Variants in KRT77 observed in about 807,000 individuals in gnomAD.
The protein encoded by KRT77 is keratin 77.
Under a neutral mutation model 51.5 loss-of-function variants are expected in KRT77, and 44 were observed. The observed-to-expected ratio is 0.85, with a 90% CI of 0.67 to 1.10. KRT77 has a LOEUF of 1.10. Among genes scored for constraint, KRT77 ranks in the 50% least tolerant of loss-of-function variants. KRT77 has a pLI of 0.00. For synonymous variants in KRT77, 293 were observed against 302.0 expected (o/e 0.97, Z 0.31); for missense variants, 763 against 743.9 (o/e 1.03, Z -0.30).
intron 1 of KRT77, 65 bp from the exon 2 acceptor site, chr12:52,697,961 G>GCATCCATAC: frequency 6.6e-7 from 1 of 1,505,310 alleles, no homozygotes; most frequent in South Asian, 1.1e-5. Context: ...ATAAGTAGGA[G>GCATCCATAC]CATCCATACC....
At position 52,697,709 on chromosome 12, in the gene KRT77, T is replaced by G. The variant is rs1167275959; in HGVS notation, c.731A>C (p.Gln244Pro). The change falls in exon 2 of 9, where the codon CAG (glutamine) becomes CCG (proline). Residue 244 changes from glutamine (Q) to proline (P), a missense_variant. By Grantham distance (76) the Gln-to-Pro change is moderately conservative (BLOSUM62 -1). Transcript: ENST00000341809. ...MRQNAEVRSM[Q>P]DVVEDYKSKY... ...GCTCTTGTAGTCCTCCACGACATCC[T>G]GCATGCTCCTGACCTCCGCGTTCTG... is the stretch of plus-strand genomic sequence containing the variant. The G allele has an allele frequency of 6.2e-7, 1 of 1,613,666 alleles. No individual in the cohort carries two copies. The highest frequency in any genetic ancestry group is 1.7e-5 in the Admixed American group (1 of 60,004).
rs751254422 is a variant in KRT77 at position 52,702,924 on chromosome 12, G to T, written c.511C>A (p.Leu171Ile). 4 of 1,613,920 alleles carry T rather than the reference G, an allele frequency of 2.5e-6. No individual in the cohort carries two copies. Among genetic ancestry groups the T allele is most frequent in the Admixed American group, 1.7e-5 (1 of 59,990 alleles). ...KTQEREQIMVLNNKFASFIDK... is the reference protein window; with the variant it reads ...KTQEREQIMVINNKFASFIDK... ...ATGAAGGAGGCAAACTTGTTGTTGA[G>T]AACCATAATCTGCTCCCGCTCCTGG... The change falls in exon 1 of 9, where the codon CTC becomes ATC. Residue 171 changes from leucine (L) to isoleucine (I), a missense_variant. Leu to Ile is a conservative substitution (Grantham distance 5, BLOSUM62 2). Coordinates refer to ENST00000341809, the MANE Select transcript of KRT77 (RefSeq NM_175078.3).
chr12:52,694,009 C>T (rs1216301330), intron 5 of KRT77, among the ~76,000 whole-genome samples: 2 of 149,866 alleles, frequency 1.3e-5, no homozygotes, highest in African/African-American at 4.9e-5. Flanking sequence ...TGCACTCCAG[C>T]CTGGGAGATA....
At chr12:52,702,775 T>G (rs567508278) in intron 1 of KRT77, 117 bp downstream of exon 1, 34 of 1,041,606 alleles carry the variant, frequency 3.3e-5, no homozygotes, top group Non-Finnish European at 4.7e-5. Context: ...GGTAAATGAT[T>G]TTCTAAGGTC....
At chr12:52,699,101 T>C (rs1324213869) in intron 1 of KRT77, among the ~76,000 whole-genome samples, 1 of 152,182 alleles carries the variant, frequency 6.6e-6, no homozygotes, top group Non-Finnish European at 1.5e-5. Flanking sequence ...AGCAAGAGAT[T>C]AGGCAAGCAG....
At chr12:52,693,017 CAG>C in intron 5 of KRT77, 137 bp from the exon 6 acceptor site, 1 of 962,636 alleles carries the variant, frequency 1.0e-6, no homozygotes, top group Non-Finnish European at 1.5e-6. Flanking sequence ...TGCATACTCA[CAG>C]CTATACCAAA....
At chr12:52,693,030 C>T (rs1206306325) in intron 5 of KRT77, 150 bp from the exon 6 acceptor site, 9 of 829,380 alleles carry the variant, frequency 1.1e-5, no homozygotes, top group Non-Finnish European at 1.7e-5. Context: ...CTATACCAAA[C>T]CTCCCTCACC....
chr12:52,691,827 A>G, intron 8 of KRT77, 111 bp downstream of exon 8: 2 of 1,234,508 alleles, frequency 1.6e-6, no homozygotes, highest in Non-Finnish European at 2.4e-6. Context: ...TGTCTATTGC[A>G]CAGGACTGGA....
chr12:52,698,276 G>T, intron 1 of KRT77: 1 of 560,846 alleles, frequency 1.8e-6, no homozygotes, highest in Non-Finnish European at 3.1e-6. Flanking sequence ...TGGTCAAAAT[G>T]CATTATGTGA....
chr12:52,696,649 G>A (rs112028418), intron 2 of KRT77: 409 of 511,684 alleles, frequency 8.0e-4, no homozygotes, highest in African/African-American at 1.1e-3. Context: ...AGGGGACCCC[G>A]GGCCAACATG....
chr12:52,694,647 G>C lies in KRT77; in HGVS notation c.1059C>G (p.Ala353=), dbSNP rs749705627. 5 of 1,608,572 alleles carry C rather than the reference G, an allele frequency of 3.1e-6. No individual in the cohort carries two copies. The highest frequency in any genetic ancestry group is 2.7e-5 in the African/African-American group (2 of 74,846). ...ELIAQRSKDE[A]EALYQTKYQE... ...CCACCTTGGTCTGGTACAGGGCTTC[G>C]GCCTCGTCCTTGCTCCTCTGTGCAA... The change falls in exon 5 of 9, where the codon GCC becomes GCG. Residue 353 remains alanine (A), a synonymous_variant. Coordinates refer to ENST00000341809, the MANE Select transcript of KRT77 (RefSeq NM_175078.3).
At chr12:52,701,448 C>T (rs1941886356) in intron 1 of KRT77, among the ~76,000 whole-genome samples, 1 of 152,218 alleles carries the variant, frequency 6.6e-6, no homozygotes, top group Non-Finnish European at 1.5e-5. Flanking sequence ...CCTGCCCTGC[C>T]ACCCAGTATG....
chr12:52,699,474 C>T (rs1941851921), intron 1 of KRT77, among the ~76,000 whole-genome samples: 1 of 152,232 alleles, frequency 6.6e-6, no homozygotes, highest in African/African-American at 2.4e-5. Context: ...CAGTAAAAGC[C>T]ACTGTGTTTT....
chr12:52,703,099 A>G lies in KRT77; in HGVS notation c.336T>C (p.Phe112=). The G allele has an allele frequency of 6.2e-7, 1 of 1,612,638 alleles. No individual in the cohort carries two copies. Among genetic ancestry groups the G allele is most frequent in the Non-Finnish European group, 8.5e-7 (1 of 1,179,294 alleles). Residue 112 remains phenylalanine (F), a synonymous_variant, in exon 1 of 9, where the codon TTT becomes TTC. Coordinates refer to ENST00000341809, the MANE Select transcript of KRT77 (RefSeq NM_175078.3). ...TGAGGFGGGG[F]GGAGFGTSNF... ...TGCTAGTCCCAAATCCAGCACCCCC[A>G]AAACCACCTCCTCCAAAGCCACCAG...
chr12:52,691,313 GC>G lies in KRT77; in HGVS notation c.1588del (p.Ala530HisfsTer92). On this transcript the variant is annotated frameshift_variant, in exon 9 of 9. Transcript: ENST00000341809. LOFTEE classifies it low-confidence loss of function (END_TRUNC). ...ATAACCGCCTCCACTCCTGCCTCGTGCCCCGCCTCCGCGGTAGCTTCTTCCG... is the reference window on the plus strand; with the variant it reads ...ATAACCGCCTCCACTCCTGCCTCGTGCCCGCCTCCGCGGTAGCTTCTTCCG... The part of the protein sequence containing the change: ...GGGRSYRGGG[A>X]RGRSGGGYGS... The G allele has an allele frequency of 6.3e-7, 1 of 1,599,588 alleles. No homozygotes were observed. Among genetic ancestry groups the G allele is most frequent in the East Asian group, 2.3e-5 (1 of 44,082 alleles).
rs771101670 is a variant in KRT77, at chr12:52,694,753, T to C, written c.953A>G (p.Asn318Ser). The C allele has an allele frequency of 3.8e-5, 62 of 1,611,590 alleles. No individual in the cohort carries two copies. Among genetic ancestry groups the C allele is most frequent in the South Asian group, 6.6e-5 (6 of 90,844 alleles). The change falls in exon 5 of 9, where the codon AAC becomes AGC. Residue 318 changes from asparagine to serine, a missense_variant. Coordinates refer to ENST00000341809, the MANE Select transcript of KRT77 (RefSeq NM_175078.3). ...SQVQTHISDTNVILSMDNNRS... is the reference protein window; with the variant it reads ...SQVQTHISDTSVILSMDNNRS... ...GTTATTGTCCATGGACAGGATGACG[T>C]TGGTGTCGCTGATGTGAGTCTGCAC... is the stretch of plus-strand genomic sequence containing the variant.
intron 7 of KRT77, 75 bp from the exon 8 acceptor site, chr12:52,692,047 G>T (rs749280273): frequency 2.0e-6 from 3 of 1,475,028 alleles, no homozygotes; most frequent in South Asian, 1.1e-5. Context: ...CAGACATCTG[G>T]ATCAGAGGTG....
chr12:52,697,782 C>G lies in KRT77; in HGVS notation c.658G>C (p.Gly220Arg). The G allele has an allele frequency of 6.2e-7, 1 of 1,613,780 alleles. No individual in the cohort carries two copies. The highest frequency in any genetic ancestry group is 1.3e-5 in the African/African-American group (1 of 74,932). ...NLEPLLENYIGDLRRQVDLLS... is the reference protein window; with the variant it reads ...NLEPLLENYIRDLRRQVDLLS... ...AAATCCACCTGCCTCCGCAGGTCAC[C>G]GATGTAGTTCTCCAAGAGGGGCTCC... is the stretch of plus-strand genomic sequence containing the variant. Residue 220 changes from glycine to arginine, a missense_variant, in exon 2 of 9, where the codon GGT becomes CGT. Physicochemically the swap from Gly to Arg is moderately radical, Grantham distance 125 (BLOSUM62 -2). Transcript: ENST00000341809.
Position 52,703,012 on chromosome 12 carries a change from A to G in KRT77, c.423T>C (p.Ile141=). ...GAAGTGGCTCTAGGAGGCTCTGGTT[A>G]ATGGTCACCTCTTGGATGCCCCCAG... ...CPPGGIQEVT[I]NQSLLEPLHL... Residue 141 remains isoleucine, a synonymous_variant, in exon 1 of 9, where the codon ATT becomes ATC. Transcript: ENST00000341809. 6.2e-7 allele frequency: 1 copy of G among 1,614,036 alleles called. No individual in the cohort carries two copies. Among genetic ancestry groups the G allele is most frequent in the South Asian group, 1.1e-5 (1 of 91,064 alleles).
Sources: allele counts gnomAD v4.1 joint callset (sites outside exome capture counted in the v4.1 genomes callset), GRCh38; gene constraint gnomAD v4.1.1; transcripts MANE v1.5; gene names NCBI Gene and HGNC (gene_info 2026-07-23, HGNC 2026-07-21).